HPSE2: variants seen among roughly 807,000 people sequenced by gnomAD.
The protein encoded by HPSE2 is inactive heparanase-2.
A neutral mutation model predicts 60.5 loss-of-function variants in HPSE2; 38 were observed. That is an observed-to-expected ratio of 0.63 (90% confidence interval 0.48 to 0.82). The LOEUF (loss-of-function observed/expected upper bound fraction) is 0.82, where lower values mean the gene tolerates loss of function less well. Among genes scored for constraint, HPSE2 ranks in the 40% least tolerant of loss-of-function variants. The pLI is 0.00. For missense variants in HPSE2, 713 were observed against 740.4 expected (o/e 0.96, Z 0.43); for synonymous variants, 295 against 293.2 (o/e 1.01, Z -0.06).
At chr10:98,743,173 A>G (rs1949544583) in intron 4 of HPSE2, among the ~76,000 whole-genome samples, 1 of 151,710 alleles carries the variant, frequency 6.6e-6, no homozygotes, top group Non-Finnish European at 1.5e-5. Context: ...GGGTTTCACC[A>G]TGTTGGCCAG....
intron 3 of HPSE2, among the ~76,000 whole-genome samples, chr10:98,920,506 G>T (rs2135060401): frequency 1.3e-5 from 2 of 152,182 alleles, no homozygotes; most frequent in East Asian, 1.9e-4. Context: ...AGGGAAATGT[G>T]AATTCCTCCT....
chr10:99,186,714 T>C (rs1461056270), intron 2 of HPSE2, among the ~76,000 whole-genome samples: 1 of 152,104 alleles, frequency 6.6e-6, no homozygotes, highest in African/African-American at 2.4e-5. Context: ...CTTAAATTCC[T>C]GGAGGCATGC....
chr10:98,530,685 C>A (rs1943104122), intron 9 of HPSE2, among the ~76,000 whole-genome samples: 1 of 152,214 alleles, frequency 6.6e-6, no homozygotes, highest in South Asian at 2.1e-4. Context: ...CTCGGACTGG[C>A]TCCAGGATTG....
rs761443442 is a variant in HPSE2 at position 99,094,209 on chromosome 10, AGCAG to A, written c.610+50025_610+50028del. On this transcript the variant is annotated intron_variant, in intron 3 of 11. Coordinates refer to ENST00000370552, the MANE Select transcript of HPSE2 (RefSeq NM_021828.5). ...TTTTGTTTTTTAATTTCCACATTGG[AGCAG>A]GGTTTGTCGTCGTTCACGTTATTAA... 5.9e-5 allele frequency among the ~76,000 whole-genome samples: 9 copies of A among 151,818 alleles called. No individual in the cohort carries two copies. The South Asian group carries it at 1.9e-3, about 32-fold the overall frequency.
At chr10:98,678,024 G>A (rs992148849) in intron 6 of HPSE2, among the ~76,000 whole-genome samples, 6 of 152,156 alleles carry the variant, frequency 3.9e-5, no homozygotes, top group East Asian at 3.9e-4. Flanking sequence ...TTATCAAATC[G>A]ATCTCTTTAA....
At chr10:98,887,897 A>G (rs1488498837) in intron 3 of HPSE2, among the ~76,000 whole-genome samples, 2 of 146,720 alleles carry the variant, frequency 1.4e-5, no homozygotes, top group Non-Finnish European at 3.0e-5. Context: ...GTACAGTTGT[A>G]TACAGTACCC....
intron 9 of HPSE2, among the ~76,000 whole-genome samples, chr10:98,596,791 C>T (rs1309814885): frequency 6.6e-6 from 1 of 151,998 alleles, no homozygotes; most frequent in Non-Finnish European, 1.5e-5. Context: ...TACTTTTTGT[C>T]TTTGATTTTT....
At chr10:98,817,716 G>A (rs2134597874) in intron 3 of HPSE2, among the ~76,000 whole-genome samples, 1 of 152,172 alleles carries the variant, frequency 6.6e-6, no homozygotes, top group Admixed American at 6.5e-5. Flanking sequence ...TCCCGTTTCT[G>A]TTAAAACTGT....
chr10:99,276,817 G>A, the HPSE2 span, among the ~76,000 whole-genome samples: 1 of 152,068 alleles, frequency 6.6e-6, no homozygotes, highest in Non-Finnish European at 1.5e-5. Flanking sequence ...ATTAGATGCC[G>A]TGGAGTGACT....
chr10:99,027,430 A>G (rs1957402498), intron 3 of HPSE2, among the ~76,000 whole-genome samples: 3 of 152,212 alleles, frequency 2.0e-5, no homozygotes, highest in Admixed American at 1.3e-4. Context: ...CAAAACTTGA[A>G]CAGACCAACA....
chr10:99,130,380 AAAAATAC>A (rs1352169802), intron 3 of HPSE2, among the ~76,000 whole-genome samples: 3 of 152,168 alleles, frequency 2.0e-5, no homozygotes, highest in Non-Finnish European at 2.9e-5. Flanking sequence ...AATCCTCAAA[AAAAATAC>A]TAGCTAACCA....
intron 6 of HPSE2, among the ~76,000 whole-genome samples, chr10:98,669,747 G>T (rs370163055): frequency 2.0e-5 from 3 of 152,144 alleles, no homozygotes; most frequent in East Asian, 3.8e-4. Context: ...GGGAATGAAG[G>T]GGGTGTGGGA....
At chr10:99,091,954 C>T (rs926377967) in intron 3 of HPSE2, among the ~76,000 whole-genome samples, 2 of 152,136 alleles carry the variant, frequency 1.3e-5, no homozygotes, top group African/African-American at 4.8e-5. Flanking sequence ...AGCTCAATTG[C>T]TGAGAATCCT....
chr10:98,512,510 G>A (rs1002464150), intron 9 of HPSE2, among the ~76,000 whole-genome samples: 25 of 151,902 alleles, frequency 1.6e-4, no homozygotes, highest in Non-Finnish European at 2.6e-4. Context: ...GCATGAACCC[G>A]GGAGGCGGAG....
chr10:99,177,952 T>G (rs534754866), intron 2 of HPSE2, among the ~76,000 whole-genome samples: 1 of 152,172 alleles, frequency 6.6e-6, no homozygotes, highest in South Asian at 2.1e-4. Context: ...AAATTAGAAC[T>G]CAGGATTAAG....
At chr10:99,030,891 C>T (rs1280441150) in intron 3 of HPSE2, among the ~76,000 whole-genome samples, 1 of 152,104 alleles carries the variant, frequency 6.6e-6, no homozygotes, top group East Asian at 1.9e-4. Context: ...AGAAGACAAA[C>T]ATCGCATGTT....
At chr10:98,630,469 T>C (rs653300) in intron 7 of HPSE2, among the ~76,000 whole-genome samples, 34,080 of 151,926 alleles carry the variant, frequency 0.22, 4,048 homozygotes, top group Admixed American at 0.31. Flanking sequence ...AGTGCTGGGA[T>C]TACAGGCGTG....
intron 2 of HPSE2, among the ~76,000 whole-genome samples, chr10:99,148,242 G>A (rs1343298178): frequency 1.3e-5 from 2 of 152,138 alleles, no homozygotes; most frequent in Non-Finnish European, 2.9e-5. Context: ...TCACTTATTA[G>A]TTACAAAAGT....
the HPSE2 span, among the ~76,000 whole-genome samples, chr10:99,282,563 C>T: frequency 9.2e-5 from 14 of 152,108 alleles, 1 homozygote; most frequent in African/African-American, 2.2e-4. Context: ...AATAACAGAA[C>T]GGATTCTTCT....
Sources: allele counts gnomAD v4.1 joint callset (sites outside exome capture counted in the v4.1 genomes callset), GRCh38; gene constraint gnomAD v4.1.1; transcripts MANE v1.5; gene names NCBI Gene and HGNC (gene_info 2026-07-23, HGNC 2026-07-21).